The following NCOA7 variants were observed in gnomAD, a reference collection of about 807,000 sequenced individuals.
NCOA7 encodes 140 kDa estrogen receptor-associated protein.
Under a neutral mutation model 104.3 loss-of-function variants are expected in NCOA7, and 45 were observed. The observed-to-expected ratio is 0.43, with a 90% CI of 0.34 to 0.55. The LOEUF (loss-of-function observed/expected upper bound fraction) is 0.55, where lower values mean the gene tolerates loss of function less well. NCOA7 is among the 20% of genes least tolerant of loss of function. The probability of loss-of-function intolerance (pLI) is 0.02; values close to 1 mark genes in which losing one functional copy is unlikely to be tolerated. For synonymous variants in NCOA7, 398 were observed against 402.3 expected, an observed-to-expected ratio of 0.99 and a Z score of 0.13; for missense variants, 1,041 against 1,119.7, an observed-to-expected ratio of 0.93 and a Z score of 1.00.
At chr6:125,801,360 T>G (rs541069391) in intron 1 of NCOA7, among the ~76,000 whole-genome samples, 61 of 152,198 alleles carry the variant, frequency 4.0e-4, no homozygotes, top group Non-Finnish European at 7.1e-4. Flanking sequence ...GTTTACCAAT[T>G]TTCTTAATGA....
chr6:125,829,370 T>C (rs1386822883), intron 2 of NCOA7, among the ~76,000 whole-genome samples: 1 of 152,242 alleles, frequency 6.6e-6, no homozygotes, highest in Non-Finnish European at 1.5e-5. Flanking sequence ...TAAAATAAAC[T>C]ATGTGACTGG....
Position 125,889,815 on chromosome 6 carries a change from GC to G in NCOA7, c.1765del (p.Leu589SerfsTer3). The G allele has an allele frequency of 6.2e-7, 1 of 1,613,180 alleles. No homozygotes were observed. The highest frequency in any genetic ancestry group is 8.5e-7 in the Non-Finnish European group (1 of 1,179,714). On this transcript the variant is annotated frameshift_variant, in exon 9 of 16. Transcript: ENST00000392477. LOFTEE classifies it high-confidence loss of function. ...ATAAGACCTGGGTGAAAAAGGGAGA[GC>G]CCCTCCCGGTAAAACTGAACTCTTC... ...PDKTWVKKGEPLPVKLNSSTE... is the reference protein window; with the variant it reads ...PDKTWVKKGEXLPVKLNSSTE...
At chr6:125,928,099 T>A in intron 14 of NCOA7, 75 bp from the exon 15 acceptor site, 1 of 1,337,376 alleles carries the variant, frequency 7.5e-7, no homozygotes, top group Non-Finnish European at 1.1e-6. Context: ...TACATATAGA[T>A]ACTATTTCAT....
At chr6:125,912,703 G>A (rs969807869) in intron 10 of NCOA7, among the ~76,000 whole-genome samples, 7 of 152,196 alleles carry the variant, frequency 4.6e-5, no homozygotes, top group Non-Finnish European at 1.0e-4. Context: ...TAGGAGCCTA[G>A]GAGGGCTAGA....
In NCOA7 at chr6:125,930,525, A is replaced by G. The variant is rs898798606; in HGVS notation, c.*1754A>G. Reference sequence around the variant, plus strand: ...ATTTCCCCGGTAATTTTTGAAAGGAAAAATGTATAACAAGTACTATTTACA... The same window carrying G: ...ATTTCCCCGGTAATTTTTGAAAGGAGAAATGTATAACAAGTACTATTTACA... On this transcript the variant is annotated 3_prime_UTR_variant, in exon 16 of 16. Coordinates refer to ENST00000392477, the MANE Select transcript of NCOA7 (RefSeq NM_181782.5). 2.0e-5 allele frequency: 3 copies of G among 152,654 alleles called. No individual in the cohort carries two copies. Among genetic ancestry groups the G allele is most frequent in the African/African-American group, 7.2e-5 (3 of 41,448 alleles). The allele number at this position is 152,654 out of a possible 1,614,324, so 9.5% of individuals were successfully genotyped here.
chr6:125,859,178 A>G (rs1008503306), intron 3 of NCOA7, among the ~76,000 whole-genome samples: 3 of 152,054 alleles, frequency 2.0e-5, no homozygotes, highest in Non-Finnish European at 4.4e-5. Flanking sequence ...GCTTAGGGGA[A>G]GGGGCACACC....
intron 2 of NCOA7, among the ~76,000 whole-genome samples, chr6:125,826,332 AAAAG>A (rs1778653903): frequency 7.5e-6 from 1 of 134,004 alleles, no homozygotes; most frequent in East Asian, 2.1e-4. Flanking sequence ...CTCCGTCTCT[AAAAG>A]AAAAAAAAAA....
At chr6:125,836,423 T>C (rs920823757) in intron 2 of NCOA7, among the ~76,000 whole-genome samples, 3 of 152,236 alleles carry the variant, frequency 2.0e-5, no homozygotes, top group African/African-American at 4.8e-5. Context: ...CAAACAGCAA[T>C]GAAATTTTCC....
At chr6:125,821,351 C>A (rs1420243466) in intron 2 of NCOA7, among the ~76,000 whole-genome samples, 2 of 152,042 alleles carry the variant, frequency 1.3e-5, no homozygotes, top group African/African-American at 4.8e-5. Flanking sequence ...ATAAGATAGG[C>A]GTGTCAGGAT....
intron 10 of NCOA7, among the ~76,000 whole-genome samples, chr6:125,907,292 A>G (rs1052450750): frequency 6.6e-6 from 1 of 152,218 alleles, no homozygotes; most frequent in Non-Finnish European, 1.5e-5. Context: ...GAGGTTTCCC[A>G]TCTCACCTCC....
intron 1 of NCOA7, among the ~76,000 whole-genome samples, chr6:125,784,217 T>G (rs1774357889): frequency 6.6e-6 from 1 of 152,226 alleles, no homozygotes; most frequent in Non-Finnish European, 1.5e-5. Context: ...TATTAAGCTA[T>G]TCATTCATTT....
chr6:125,870,811 A>G (rs1782827140), intron 3 of NCOA7, among the ~76,000 whole-genome samples: 1 of 152,108 alleles, frequency 6.6e-6, no homozygotes, highest in Admixed American at 6.5e-5. Flanking sequence ...TGGTGTGGCA[A>G]GGGAGGTGGC....
At chr6:125,793,315 C>T (rs1775020002) in intron 1 of NCOA7, among the ~76,000 whole-genome samples, 1 of 152,204 alleles carries the variant, frequency 6.6e-6, no homozygotes, top group Non-Finnish European at 1.5e-5. Flanking sequence ...AAGCCCTCCC[C>T]TTTGGTTACA....
At chr6:125,857,247 G>A (rs1005250477) in intron 3 of NCOA7, among the ~76,000 whole-genome samples, 1 of 151,828 alleles carries the variant, frequency 6.6e-6, no homozygotes, top group Non-Finnish European at 1.5e-5. Flanking sequence ...CATATCTTTC[G>A]TTTGTTTTGA....
Position 125,897,748 on chromosome 6 carries a change from C to T in NCOA7, c.2096+6938C>T, listed in dbSNP as rs1002604988. 2.0e-5 allele frequency among the ~76,000 whole-genome samples: 3 copies of T among 152,038 alleles called. No individual in the cohort carries two copies. In the South Asian group the frequency reaches 6.2e-4, roughly 32 times the overall value. On this transcript the variant is annotated intron_variant, in intron 10 of 15. Transcript: ENST00000392477. ...AGGCTGGAGTGCAATGGCATGATCT[C>T]GGCTCACTGCAGCCTCCGTCTCCTG...
intron 3 of NCOA7, among the ~76,000 whole-genome samples, chr6:125,857,561 A>T (rs1006453894): frequency 6.6e-6 from 1 of 151,524 alleles, no homozygotes; most frequent in African/African-American, 2.4e-5. Context: ...TGGCCTCCCA[A>T]AGCATTTTTT....
intron 10 of NCOA7, among the ~76,000 whole-genome samples, chr6:125,906,663 A>G (rs568876479): frequency 1.3e-5 from 2 of 152,260 alleles, no homozygotes; most frequent in Admixed American, 1.3e-4. Context: ...AAGAGGCTGA[A>G]GACTGGGGAG....
At chr6:125,922,995 T>C (rs1787723048) in intron 13 of NCOA7, among the ~76,000 whole-genome samples, 161 bp downstream of exon 13, 1 of 152,260 alleles carries the variant, frequency 6.6e-6, no homozygotes, top group African/African-American at 2.4e-5. Flanking sequence ...CTGAAATATT[T>C]TGAAGTAAAT....
chr6:125,895,057 C>T (rs554968640), intron 10 of NCOA7, among the ~76,000 whole-genome samples: 42 of 152,024 alleles, frequency 2.8e-4, no homozygotes, highest in Non-Finnish European at 5.6e-4. Flanking sequence ...TCTTTTTCCC[C>T]CCTTCCCTTT....
Sources: gnomAD v4.1 joint callset for allele counts (sites outside exome capture counted in the v4.1 genomes callset) on GRCh38, gnomAD v4.1.1 for gene constraint, MANE v1.5 for transcripts, NCBI Gene and HGNC (gene_info 2026-07-23, HGNC 2026-07-21) for gene names.